The following CNTN4 variants were observed in gnomAD, a reference collection of about 807,000 sequenced individuals.
CNTN4 encodes the protein contactin-4.
A neutral mutation model predicts 122.5 loss-of-function variants in CNTN4; 77 were observed. The ratio of observed to expected loss-of-function variants is 0.63; its 90% confidence interval spans 0.52 to 0.76. The LOEUF (loss-of-function observed/expected upper bound fraction) is 0.76, where lower values mean the gene tolerates loss of function less well. Ranked by LOEUF, CNTN4 falls within the 30% of genes least tolerant of loss-of-function variation. The pLI is 0.00. For synonymous variants in CNTN4, 512 were observed against 447.0 expected, an observed-to-expected ratio of 1.15 and a Z score of -1.83; for missense variants, 1,256 against 1,259.1, an observed-to-expected ratio of 1.00 and a Z score of 0.04.
intron 6 of CNTN4, among the ~76,000 whole-genome samples, chr3:2,776,224 A>C (rs565571262): frequency 6.6e-6 from 1 of 151,172 alleles, no homozygotes; most frequent in Non-Finnish European, 1.5e-5. Flanking sequence ...ATCATTTTCC[A>C]TACAGGATTG....
chr3:2,755,163 C>G lies in CNTN4; in HGVS notation c.358+9466C>G, dbSNP rs1473224747. ...TTTTAATATCTAATAACTAGCTTATCCTTCATAGCCAATGAGTAAAATGTG... is the reference window on the plus strand; with the variant it reads ...TTTTAATATCTAATAACTAGCTTATGCTTCATAGCCAATGAGTAAAATGTG... On this transcript the variant is annotated intron_variant, in intron 6 of 24. Transcript: ENST00000418658. Among the ~76,000 whole-genome samples, 3 of 152,166 alleles carry G rather than the reference C, an allele frequency of 2.0e-5. No homozygotes were observed. In the East Asian group the frequency reaches 5.8e-4, roughly 29 times the overall value.
chr3:2,770,013 CT>C, intron 6 of CNTN4, among the ~76,000 whole-genome samples: 2 of 105,878 alleles, frequency 1.9e-5, no homozygotes, highest in Middle Eastern at 5.6e-3. Flanking sequence ...CTCTCTGTCT[CT>C]TTTTGTTTGT....
At position 2,259,487 on chromosome 3, in the gene CNTN4, C is replaced by T. The variant is rs141271369; in HGVS notation, c.-144-79691C>T. ...TTCACGCTGCTGATAAAGACATACC[C>T]GAGACTGGGTAATTTATAAAGAAAA... is the stretch of plus-strand genomic sequence containing the variant. On this transcript the variant is annotated intron_variant, in intron 2 of 24. Transcript: ENST00000418658. 5.4e-3 allele frequency among the ~76,000 whole-genome samples: 826 copies of T among 152,184 alleles called. 11 individuals carry two copies. The highest frequency in any genetic ancestry group is 0.019 in the African/African-American group (785 of 41,512).
intron 14 of CNTN4, among the ~76,000 whole-genome samples, chr3:3,014,369 G>A (rs1443580611): frequency 1.3e-5 from 2 of 152,150 alleles, no homozygotes; most frequent in Non-Finnish European, 2.9e-5. Flanking sequence ...TTTGGGTCAC[G>A]TCAGAACTCT....
At chr3:2,151,648 G>A (rs1328434333) in intron 2 of CNTN4, among the ~76,000 whole-genome samples, 3 of 152,156 alleles carry the variant, frequency 2.0e-5, no homozygotes, top group Admixed American at 6.5e-5. Flanking sequence ...AGACCCTGAG[G>A]GATCTGCCCT....
chr3:2,370,814 G>A (rs28584621), intron 3 of CNTN4, among the ~76,000 whole-genome samples: 14,977 of 152,118 alleles, frequency 0.098, 1,339 homozygotes, highest in African/African-American at 0.24. Context: ...ATATATACCA[G>A]TTTTCCAAAT....
At chr3:2,259,203 T>C (rs1238941807) in intron 2 of CNTN4, among the ~76,000 whole-genome samples, 1 of 152,120 alleles carries the variant, frequency 6.6e-6, no homozygotes, top group Non-Finnish European at 1.5e-5. Context: ...CTAGGTTTTG[T>C]CTGGTCAGTC....
intron 2 of CNTN4, among the ~76,000 whole-genome samples, chr3:2,118,877 T>A (rs2033544327): frequency 6.6e-6 from 1 of 152,216 alleles, no homozygotes; most frequent in Non-Finnish European, 1.5e-5. Flanking sequence ...AGAAAAAGTT[T>A]TCAGTTGCAT....
At chr3:2,523,483 T>A (rs1301618988) in intron 3 of CNTN4, among the ~76,000 whole-genome samples, 1 of 152,034 alleles carries the variant, frequency 6.6e-6, no homozygotes, top group Non-Finnish European at 1.5e-5. Flanking sequence ...TGTAACTTAA[T>A]GAAAGTTGCT....
chr3:2,850,945 C>T (rs1425862643), intron 7 of CNTN4, among the ~76,000 whole-genome samples: 5 of 151,944 alleles, frequency 3.3e-5, no homozygotes, highest in Non-Finnish European at 5.9e-5. Flanking sequence ...GAAATGCTGG[C>T]AATTGAGTAG....
At chr3:2,328,630 G>T (rs1407222801) in intron 2 of CNTN4, among the ~76,000 whole-genome samples, 1 of 151,400 alleles carries the variant, frequency 6.6e-6, no homozygotes, top group East Asian at 1.9e-4. Context: ...TTCCACATCT[G>T]CGGATTCAAC....
At chr3:2,514,760 C>G (rs1006527460) in intron 3 of CNTN4, among the ~76,000 whole-genome samples, 6 of 152,162 alleles carry the variant, frequency 3.9e-5, no homozygotes, top group African/African-American at 1.4e-4. Context: ...ACATCTTATT[C>G]TAACTGGGCA....
chr3:2,301,110 G>T (rs1041245369), intron 2 of CNTN4, among the ~76,000 whole-genome samples: 1 of 152,074 alleles, frequency 6.6e-6, no homozygotes. Context: ...ATCTCAATCC[G>T]CCAGATGTTC....
At chr3:2,215,883 CAAAAAAAAAAAA>C (rs869205172) in intron 2 of CNTN4, among the ~76,000 whole-genome samples, 1 of 60,272 alleles carries the variant, frequency 1.7e-5, no homozygotes, top group Non-Finnish European at 2.9e-5. Context: ...GCCTCTGTCT[CAAAAAAAAAAAA>C]AAAAAAAAAA....
chr3:2,498,626 G>T (rs185800362), intron 3 of CNTN4, among the ~76,000 whole-genome samples: 3 of 151,922 alleles, frequency 2.0e-5, no homozygotes, highest in Admixed American at 6.6e-5. Context: ...AACTACAAGC[G>T]CATGCCACCA....
chr3:2,168,469 T>A (rs1430207971), intron 2 of CNTN4, among the ~76,000 whole-genome samples: 1 of 152,042 alleles, frequency 6.6e-6, no homozygotes, highest in Non-Finnish European at 1.5e-5. Context: ...TGAGAGAGAT[T>A]TTTAAAAATG....
In CNTN4 at chr3:2,774,618, C is replaced by A. The variant is rs763662723; in HGVS notation, c.358+28921C>A. ...AGTTTTGGAAAACCTTCAAGAATAGCTGAACTTTGGAACTGCATACTAGAC... is the reference window on the plus strand; with the variant it reads ...AGTTTTGGAAAACCTTCAAGAATAGATGAACTTTGGAACTGCATACTAGAC... On this transcript the variant is annotated intron_variant, in intron 6 of 24. Transcript: ENST00000418658. Among the ~76,000 whole-genome samples, 62 of 152,028 alleles carry A rather than the reference C, an allele frequency of 4.1e-4. 1 individual carries two copies. The highest frequency in any genetic ancestry group is 1.6e-4 in the Non-Finnish European group (11 of 68,020).
chr3:2,848,533 C>T (rs182470153), intron 7 of CNTN4, among the ~76,000 whole-genome samples: 373 of 152,280 alleles, frequency 2.4e-3, no homozygotes, highest in African/African-American at 8.3e-3. Context: ...CATTGGGATT[C>T]TTTTGGTTGC....
At position 3,056,173 on chromosome 3, in the gene CNTN4, G is replaced by C. The variant is rs1342020519; in HGVS notation, c.3034G>C (p.Ala1012Pro). 6.2e-7 allele frequency: 1 copy of C among 1,614,122 alleles called. No homozygotes were observed. The highest frequency in any genetic ancestry group is 1.1e-5 in the South Asian group (1 of 91,080). ...CACTTCGAATGCATGTACGCTGTCA[G>C]CCATCAGTACAATAATGATTTCCCT... Reference protein sequence around the residue: ...ASTSNACTLSAISTIMISLTA... With the variant: ...ASTSNACTLSPISTIMISLTA... The change falls in exon 25 of 25, where the codon GCC (alanine) becomes CCC (proline). Residue 1012 changes from alanine to proline, a missense_variant. Coordinates refer to ENST00000418658, the MANE Select transcript of CNTN4 (RefSeq NM_175607.3).
Sources: allele counts gnomAD v4.1 joint callset (sites outside exome capture counted in the v4.1 genomes callset), GRCh38; gene constraint gnomAD v4.1.1; transcripts MANE v1.5; gene names NCBI Gene and HGNC (gene_info 2026-07-23, HGNC 2026-07-21).